Variants in CHCHD3 observed in about 807,000 individuals in gnomAD.
CHCHD3 encodes MICOS complex subunit MIC19.
In CHCHD3, 20 loss-of-function variants were observed where a neutral mutation model predicts 38.2. The observed-to-expected ratio is 0.52, with a 90% CI of 0.37 to 0.76. The LOEUF (loss-of-function observed/expected upper bound fraction) is 0.76. Among genes scored for constraint, CHCHD3 ranks in the 30% least tolerant of loss-of-function variants. The probability of loss-of-function intolerance (pLI) is 0.00; values close to 1 mark genes in which losing one functional copy is unlikely to be tolerated. For synonymous variants in CHCHD3, 82 were observed against 100.0 expected (o/e 0.82, Z 1.07); for missense variants, 245 against 279.2 (o/e 0.88, Z 0.87).
chr7:132,977,108 T>C lies in CHCHD3; in HGVS notation c.252-1822A>G, dbSNP rs139870989. On this transcript the variant is annotated intron_variant, in intron 3 of 7. Coordinates refer to ENST00000262570, the MANE Select transcript of CHCHD3 (RefSeq NM_017812.4). ...AATAAATTCAGCAACATCAATGATA[T>C]CAACACATTAACACCACTGGATATG... Among the ~76,000 whole-genome samples the C allele has an allele frequency of 7.0e-3, 1,072 of 152,306 alleles. 11 individuals carry two copies. The highest frequency in any genetic ancestry group is 0.024 in the African/African-American group (997 of 41,568).
intron 6 of CHCHD3, among the ~76,000 whole-genome samples, chr7:132,824,314 C>CTTTTTTTTTTTTTTTTTTTTTT (rs57262694): frequency 3.3e-5 from 3 of 90,132 alleles, no homozygotes; most frequent in African/African-American, 4.3e-5. Context: ...TAGTAGAACT[C>CTTTTTTTTTTTTTTTTTTTTTT]TTTTTTTTTT....
chr7:132,840,898 ACACACACACACAAT>A (rs1242080905), intron 5 of CHCHD3, among the ~76,000 whole-genome samples: 1 of 150,248 alleles, frequency 6.7e-6, no homozygotes, highest in Non-Finnish European at 1.5e-5. Context: ...GGATGTTAAA[ACACACACACACAAT>A]CACACACACA....
intron 2 of CHCHD3, among the ~76,000 whole-genome samples, chr7:133,049,679 A>C (rs1814093405): frequency 6.6e-6 from 1 of 152,256 alleles, no homozygotes; most frequent in Non-Finnish European, 1.5e-5. Flanking sequence ...TAGAAACAGC[A>C]GGGCTATTCT....
At chr7:133,051,821 A>C (rs78980579) in intron 2 of CHCHD3, among the ~76,000 whole-genome samples, 6,034 of 152,270 alleles carry the variant, frequency 0.04, 397 homozygotes, top group African/African-American at 0.14. Context: ...CGTTCAAAAA[A>C]ATGTTTTGTC....
At chr7:132,865,852 G>C (rs1470273451) in intron 5 of CHCHD3, among the ~76,000 whole-genome samples, 1 of 152,148 alleles carries the variant, frequency 6.6e-6, no homozygotes, top group African/African-American at 2.4e-5. Flanking sequence ...ACAGACTTCA[G>C]ATGTGCCTAA....
At chr7:133,022,608 CT>C in intron 3 of CHCHD3, 1 of 390,528 alleles carries the variant, frequency 2.6e-6, no homozygotes. Flanking sequence ...ATGAAGGAGG[CT>C]TCAAACAAAA....
chr7:132,975,785 G>A (rs982044418), intron 3 of CHCHD3, among the ~76,000 whole-genome samples: 1 of 152,054 alleles, frequency 6.6e-6, no homozygotes, highest in Non-Finnish European at 1.5e-5. Flanking sequence ...ACAAAACTTC[G>A]CTGGGCGTGG....
chr7:132,987,758 T>G (rs1178376532), intron 3 of CHCHD3, among the ~76,000 whole-genome samples: 2 of 151,820 alleles, frequency 1.3e-5, no homozygotes, highest in Non-Finnish European at 2.9e-5. Context: ...TTAGAGAAAC[T>G]AAAAAAAGCA....
At chr7:132,834,732 G>C (rs1002145123) in intron 6 of CHCHD3, among the ~76,000 whole-genome samples, 8 of 152,066 alleles carry the variant, frequency 5.3e-5, no homozygotes, top group African/African-American at 1.9e-4. Flanking sequence ...ATGTCCTTAG[G>C]ACCTGCTGCC....
intron 2 of CHCHD3, among the ~76,000 whole-genome samples, chr7:133,047,383 CA>C (rs1400021485): frequency 1.3e-5 from 2 of 152,158 alleles, no homozygotes; most frequent in Non-Finnish European, 2.9e-5. Context: ...TAATCATCTA[CA>C]TTTCTGTCAC....
At chr7:132,936,418 T>C (rs924032512) in intron 4 of CHCHD3, among the ~76,000 whole-genome samples, 6 of 152,136 alleles carry the variant, frequency 3.9e-5, no homozygotes, top group South Asian at 4.1e-4. Context: ...GGAAGAGCAG[T>C]GTACTCATGG....
At chr7:132,816,032 T>C (rs1168892130) in intron 6 of CHCHD3, among the ~76,000 whole-genome samples, 2 of 152,236 alleles carry the variant, frequency 1.3e-5, no homozygotes, top group East Asian at 3.8e-4. Flanking sequence ...TGCACTAGAC[T>C]TTTCCCTAGT....
chr7:132,789,761 C>T (rs951819484), intron 7 of CHCHD3, among the ~76,000 whole-genome samples: 3 of 152,062 alleles, frequency 2.0e-5, no homozygotes, highest in African/African-American at 7.2e-5. Context: ...TCTGGATGAA[C>T]TTACCCAGCG....
chr7:132,844,246 C>T (rs1188439282), intron 5 of CHCHD3, among the ~76,000 whole-genome samples: 1 of 152,086 alleles, frequency 6.6e-6, no homozygotes, highest in Non-Finnish European at 1.5e-5. Context: ...TGCAGTGAGC[C>T]AAGATTGTGC....
At chr7:133,050,195 A>C (rs1814114041) in intron 2 of CHCHD3, among the ~76,000 whole-genome samples, 1 of 151,850 alleles carries the variant, frequency 6.6e-6, no homozygotes, top group African/African-American at 2.4e-5. Flanking sequence ...AAAAATACAA[A>C]AAATTAGTGT....
At chr7:132,944,932 C>A (rs942531576) in intron 4 of CHCHD3, among the ~76,000 whole-genome samples, 1 of 151,952 alleles carries the variant, frequency 6.6e-6, no homozygotes, top group African/African-American at 2.4e-5. Flanking sequence ...CTTATGAGTA[C>A]ATAAAGAACT....
chr7:132,953,075 G>T (rs982702717), intron 4 of CHCHD3, among the ~76,000 whole-genome samples: 4 of 147,846 alleles, frequency 2.7e-5, no homozygotes, highest in African/African-American at 1.0e-4. Flanking sequence ...TCATTTATAT[G>T]TAAAAGTCCA....
intron 6 of CHCHD3, among the ~76,000 whole-genome samples, chr7:132,797,227 A>C (rs1032146816): frequency 6.6e-6 from 1 of 151,748 alleles, no homozygotes; most frequent in South Asian, 2.1e-4. Flanking sequence ...GGACAAACCC[A>C]ATTCAGGGTT....
chr7:132,831,652 GAAGA>G (rs1003016978), intron 6 of CHCHD3, among the ~76,000 whole-genome samples: 13 of 152,158 alleles, frequency 8.5e-5, no homozygotes, highest in Non-Finnish European at 1.9e-4. Flanking sequence ...AAAAGTTTAA[GAAGA>G]AAGATAAGTA....
Sources: gnomAD v4.1 joint callset for allele counts (sites outside exome capture counted in the v4.1 genomes callset) on GRCh38, gnomAD v4.1.1 for gene constraint, MANE v1.5 for transcripts, NCBI Gene and HGNC (gene_info 2026-07-23, HGNC 2026-07-21) for gene names.